Variants in SLX9 observed in about 807,000 individuals in gnomAD.
SLX9 encodes the protein SLX9 ribosome biogenesis factor, also known as ribosome biogenesis protein SLX9 homolog.
In SLX9, 19 loss-of-function variants were observed where a neutral mutation model predicts 20.8. The observed-to-expected ratio is 0.91, with a 90% CI of 0.64 to 1.34. SLX9 has a LOEUF of 1.34. SLX9 is among the 40% of genes most tolerant of loss of function. SLX9 has a pLI of 0.00. For missense variants in SLX9, 299 were observed against 322.2 expected (o/e 0.93, Z 0.55); for synonymous variants, 113 against 137.1 (o/e 0.82, Z 1.23).
At chr21:44,976,061 C>T (rs1363890747) in intron 5 of SLX9, among the ~76,000 whole-genome samples, 1 of 152,236 alleles carries the variant, frequency 6.6e-6, no homozygotes, top group East Asian at 1.9e-4. Context: ...GAGCTGCCCC[C>T]GAGGCTTCTG....
chr21:44,947,600 C>T (rs1199674057), intron 2 of SLX9, among the ~76,000 whole-genome samples: 1 of 142,774 alleles, frequency 7.0e-6, no homozygotes, highest in Non-Finnish European at 1.5e-5. Flanking sequence ...CTGACAAGTT[C>T]ATGGCATCGT....
chr21:44,973,804 G>T (rs1381528697), intron 5 of SLX9, among the ~76,000 whole-genome samples: 2 of 152,112 alleles, frequency 1.3e-5, no homozygotes, highest in African/African-American at 4.8e-5. Context: ...ACGCTGCTCC[G>T]CTGGCTCCTG....
intron 2 of SLX9, among the ~76,000 whole-genome samples, chr21:44,950,320 G>A (rs1209039955): frequency 2.0e-5 from 3 of 151,682 alleles, no homozygotes; most frequent in Non-Finnish European, 4.4e-5. Flanking sequence ...GAATGTACTT[G>A]TTGCTTATAT....
At chr21:44,955,647 G>A (rs761695010) in intron 2 of SLX9, among the ~76,000 whole-genome samples, 5 of 152,154 alleles carry the variant, frequency 3.3e-5, no homozygotes, top group Non-Finnish European at 7.3e-5. Context: ...GGCCTCCTGA[G>A]CAGCTGGGAC....
At chr21:44,967,565 C>T (rs1568943527) in intron 4 of SLX9, among the ~76,000 whole-genome samples, 1 of 152,172 alleles carries the variant, frequency 6.6e-6, no homozygotes, top group Admixed American at 6.5e-5. Flanking sequence ...TCAGCTGAGG[C>T]CCCTGAGCAT....
In SLX9 at chr21:44,943,443, C is replaced by G. The variant is rs111990002; in HGVS notation, c.130-241C>G. Reference sequence around the variant, plus strand: ...CTCCTGAAGAACCAGGAGTGAAGCCCGTCTGGTGATTGAAGGCAGGGAGCA... The same window carrying G: ...CTCCTGAAGAACCAGGAGTGAAGCCGGTCTGGTGATTGAAGGCAGGGAGCA... On this transcript the variant is annotated intron_variant, in intron 1 of 5. Transcript: ENST00000291634. Among the ~76,000 whole-genome samples, 1,509 of 152,232 alleles carry G rather than the reference C, an allele frequency of 9.9e-3. 31 individuals are homozygous for G. The highest frequency in any genetic ancestry group is 0.034 in the African/African-American group (1,417 of 41,514).
At chr21:44,967,323 G>A (rs533394907) in intron 4 of SLX9, 142 bp downstream of exon 4, 27 of 1,244,206 alleles carry the variant, frequency 2.2e-5, no homozygotes, top group South Asian at 2.0e-4. Flanking sequence ...CCGGTGCTCC[G>A]CACAGGTACC....
At chr21:44,945,902 T>C (rs1243211299) in intron 2 of SLX9, among the ~76,000 whole-genome samples, 1 of 151,594 alleles carries the variant, frequency 6.6e-6, no homozygotes, top group South Asian at 2.1e-4. Context: ...GCCCGGCTAA[T>C]TTTTGTATTT....
intron 3 of SLX9, among the ~76,000 whole-genome samples, chr21:44,960,550 A>C (rs1246986560): frequency 6.6e-6 from 1 of 152,208 alleles, no homozygotes; most frequent in African/African-American, 2.4e-5. Context: ...TTTATTGTGG[A>C]AGTAACCTGT....
intron 3 of SLX9, 119 bp from the exon 4 acceptor site, chr21:44,966,915 G>T: frequency 7.6e-7 from 1 of 1,322,538 alleles, no homozygotes; most frequent in Non-Finnish European, 1.1e-6. Context: ...GGGTGACAGC[G>T]GGAAGGAGAG....
chr21:44,976,851 G>A lies in SLX9; in HGVS notation c.*48G>A. ...ACTCCTCAGGACACATGTGGGCCAA[G>A]TAGAGAGCGCCGGCCCCTCAAGGAC... On this transcript the variant is annotated 3_prime_UTR_variant, in exon 6 of 6. Coordinates refer to ENST00000291634, the MANE Select transcript of SLX9 (RefSeq NM_058190.4). 6.5e-7 allele frequency: 1 copy of A among 1,535,956 alleles called. No homozygotes were observed. The highest frequency in any genetic ancestry group is 8.7e-7 in the Non-Finnish European group (1 of 1,146,980).
At chr21:44,968,586 C>T in intron 4 of SLX9, among the ~76,000 whole-genome samples, 1 of 152,200 alleles carries the variant, frequency 6.6e-6, no homozygotes, top group East Asian at 1.9e-4. Context: ...GCAGCCTCTG[C>T]CCTTCCCCTG....
At chr21:44,955,025 C>T (rs1274357816) in intron 2 of SLX9, among the ~76,000 whole-genome samples, 1 of 151,850 alleles carries the variant, frequency 6.6e-6, no homozygotes, top group Non-Finnish European at 1.5e-5. Flanking sequence ...ACCAGGCTGG[C>T]CAACATCATG....
intron 4 of SLX9, among the ~76,000 whole-genome samples, chr21:44,972,269 C>G (rs1157230425): frequency 1.3e-5 from 2 of 152,156 alleles, no homozygotes; most frequent in Non-Finnish European, 2.9e-5. Flanking sequence ...GTCGCTGTCC[C>G]ATGTGAACAT....
At chr21:44,955,789 C>G (rs1300708894) in intron 2 of SLX9, among the ~76,000 whole-genome samples, 1 of 152,246 alleles carries the variant, frequency 6.6e-6, no homozygotes, top group Non-Finnish European at 1.5e-5. Flanking sequence ...CCGATGCACC[C>G]AGCTCTATAG....
At chr21:44,939,908 C>T, upstream of SLX9, 3 of 776,460 alleles carry the variant, frequency 3.9e-6, no homozygotes, top group Non-Finnish European at 3.8e-6. Context: ...ACCCTACACC[C>T]GCGACCCTGC....
At position 44,973,146 on chromosome 21, in the gene SLX9, G is replaced by A. The variant is rs775310813; in HGVS notation, c.501-51G>A. ...GGAGCCAGCCTCTGCCCACGGGAAG[G>A]TGTTTAGGGGATGCTGGATGCTGAC... is the stretch of plus-strand genomic sequence containing the variant. On this transcript the variant is annotated intron_variant, in intron 4 of 5. Coordinates refer to ENST00000291634, the MANE Select transcript of SLX9 (RefSeq NM_058190.4). 7 of 1,603,556 alleles carry A rather than the reference G, an allele frequency of 4.4e-6. No individual in the cohort carries two copies. In the South Asian group the frequency reaches 7.7e-5, roughly 18 times the overall value.
intron 4 of SLX9, 191 bp from the exon 5 acceptor site, chr21:44,973,006 G>A (rs1332705056): frequency 1.4e-6 from 1 of 695,744 alleles, no homozygotes; most frequent in Non-Finnish European, 2.4e-6. Context: ...GGACGGTCAG[G>A]CAGTTGCACT....
intron 2 of SLX9, among the ~76,000 whole-genome samples, chr21:44,954,810 C>T (rs1852683214): frequency 6.6e-6 from 1 of 152,150 alleles, no homozygotes; most frequent in South Asian, 2.1e-4. Context: ...CTGGTTTGTT[C>T]CAGTTTTGTT....
Sources: gnomAD v4.1 joint callset for allele counts (sites outside exome capture counted in the v4.1 genomes callset) on GRCh38, gnomAD v4.1.1 for gene constraint, MANE v1.5 for transcripts, NCBI Gene and HGNC (gene_info 2026-07-23, HGNC 2026-07-21) for gene names.